Variants in POU2F1 observed in about 807,000 individuals in gnomAD.
The protein encoded by POU2F1 is POU domain, class 2, transcription factor 1.
In POU2F1, 16 loss-of-function variants were observed where a neutral mutation model predicts 84.9. That is an observed-to-expected ratio of 0.19 (90% CI 0.13 to 0.29). POU2F1 has a LOEUF of 0.29. Ranked by LOEUF, POU2F1 falls within the 10% of genes least tolerant of loss-of-function variation. POU2F1 has a pLI of 1.00. For synonymous variants in POU2F1, 368 were observed against 368.3 expected (o/e 1.00, Z 0.01); for missense variants, 738 against 942.6 (o/e 0.78, Z 2.84).
intron 1 of POU2F1, among the ~76,000 whole-genome samples, chr1:167,234,595 A>C (rs1649316133): frequency 6.6e-6 from 1 of 152,190 alleles, no homozygotes; most frequent in South Asian, 2.1e-4. Flanking sequence ...ATAGCCAAGC[A>C]TGTTGGTACT....
chr1:167,294,231 C>T (rs1654131842), intron 1 of POU2F1, among the ~76,000 whole-genome samples: 1 of 150,088 alleles, frequency 6.7e-6, no homozygotes, highest in African/African-American at 2.5e-5. Context: ...CACCTGTGGT[C>T]CCAGCTACTC....
intron 1 of POU2F1, among the ~76,000 whole-genome samples, chr1:167,281,791 A>G (rs1352280109): frequency 1.3e-5 from 2 of 152,176 alleles, no homozygotes; most frequent in African/African-American, 4.8e-5. Context: ...TTAACAGTAG[A>G]GACTTTTCCT....
At chr1:167,282,538 T>C (rs1416231655) in intron 1 of POU2F1, among the ~76,000 whole-genome samples, 1 of 152,248 alleles carries the variant, frequency 6.6e-6, no homozygotes, top group African/African-American at 2.4e-5. Context: ...AACTTAAATA[T>C]GAGGACCTTC....
At chr1:167,232,335 T>A (rs994882580) in intron 1 of POU2F1, among the ~76,000 whole-genome samples, 2 of 152,200 alleles carry the variant, frequency 1.3e-5, no homozygotes, top group African/African-American at 4.8e-5. Context: ...CCTAGTGACA[T>A]TGTAATGATC....
At chr1:167,291,044 GAAAAA>G (rs56798282) in intron 1 of POU2F1, among the ~76,000 whole-genome samples, 8 of 117,404 alleles carry the variant, frequency 6.8e-5, no homozygotes, top group Non-Finnish European at 1.3e-4. Flanking sequence ...GACCCTGTCA[GAAAAA>G]AAAAAAAAAA....
At chr1:167,230,665 C>T (rs970157588) in intron 1 of POU2F1, among the ~76,000 whole-genome samples, 1 of 152,230 alleles carries the variant, frequency 6.6e-6, no homozygotes, top group Non-Finnish European at 1.5e-5. Context: ...GTCATACTTT[C>T]TCTGAAATTA....
At chr1:167,290,711 A>G (rs1252735602) in intron 1 of POU2F1, among the ~76,000 whole-genome samples, 7 of 152,228 alleles carry the variant, frequency 4.6e-5, no homozygotes, top group Non-Finnish European at 1.0e-4. Flanking sequence ...CATGATCAGT[A>G]TACTTTAAAA....
chr1:167,395,847 A>G (rs888503835), intron 9 of POU2F1, among the ~76,000 whole-genome samples: 2 of 152,148 alleles, frequency 1.3e-5, no homozygotes, highest in Admixed American at 1.3e-4. Context: ...CATTCCACCC[A>G]TGTAGGCCTA....
At chr1:167,227,795 A>C (rs1184234328) in intron 1 of POU2F1, among the ~76,000 whole-genome samples, 2 of 152,240 alleles carry the variant, frequency 1.3e-5, no homozygotes, top group African/African-American at 4.8e-5. Context: ...ATATTAAAAT[A>C]TGTAACAGAT....
At chr1:167,309,117 T>G (rs75449524) in intron 1 of POU2F1, among the ~76,000 whole-genome samples, 1 of 151,590 alleles carries the variant, frequency 6.6e-6, no homozygotes, top group African/African-American at 2.4e-5. Context: ...TTTTTTTTTT[T>G]CTTTGAGAAT....
intron 1 of POU2F1, among the ~76,000 whole-genome samples, chr1:167,282,145 T>TAA (rs1447301112): frequency 6.8e-6 from 1 of 146,216 alleles, no homozygotes; most frequent in African/African-American, 2.8e-5. Context: ...ATTTTTTTTC[T>TAA]TATTTTTTTT....
intron 1 of POU2F1, among the ~76,000 whole-genome samples, chr1:167,326,460 G>A (rs941652580): frequency 2.6e-5 from 4 of 152,140 alleles, no homozygotes; most frequent in Non-Finnish European, 4.4e-5. Flanking sequence ...GGCAAGAGAC[G>A]GTGACAGTCC....
intron 1 of POU2F1, among the ~76,000 whole-genome samples, chr1:167,256,031 TTGTGTTCCCC>T (rs1275155381): frequency 6.6e-6 from 1 of 152,172 alleles, no homozygotes; most frequent in Non-Finnish European, 1.5e-5. Flanking sequence ...GGATTCAGGA[TTGTGTTCCCC>T]TAGTTACATG....
chr1:167,245,669 T>TC (rs1189307478), intron 1 of POU2F1, among the ~76,000 whole-genome samples: 1 of 151,824 alleles, frequency 6.6e-6, no homozygotes, highest in Non-Finnish European at 1.5e-5. Flanking sequence ...CACCTCAGCC[T>TC]CCCAAAGTGC....
intron 1 of POU2F1, among the ~76,000 whole-genome samples, chr1:167,241,965 TTA>T (rs1262048601): frequency 7.2e-5 from 11 of 152,218 alleles, no homozygotes; most frequent in Admixed American, 5.9e-4. Flanking sequence ...GGAAGGATTT[TTA>T]GAGTTCTCAG....
At chr1:167,395,278 C>A (rs1648726210) in intron 9 of POU2F1, among the ~76,000 whole-genome samples, 1 of 152,202 alleles carries the variant, frequency 6.6e-6, no homozygotes, top group African/African-American at 2.4e-5. Flanking sequence ...TATAAGGTTA[C>A]TAAGTTTCCA....
At chr1:167,222,027 C>T (rs1230247631) in intron 1 of POU2F1, among the ~76,000 whole-genome samples, 1 of 152,156 alleles carries the variant, frequency 6.6e-6, no homozygotes, top group Non-Finnish European at 1.5e-5. Flanking sequence ...GCCCCCCCTC[C>T]GTTCCCCCCA....
intron 1 of POU2F1, among the ~76,000 whole-genome samples, chr1:167,256,619 C>A (rs906946189): frequency 6.6e-5 from 10 of 152,200 alleles, no homozygotes; most frequent in Non-Finnish European, 1.0e-4. Context: ...ATCTCAGAAT[C>A]TTCAGCTTAG....
chr1:167,235,975 C>G (rs1014064746), intron 1 of POU2F1, among the ~76,000 whole-genome samples: 1 of 152,246 alleles, frequency 6.6e-6, no homozygotes, highest in East Asian at 1.9e-4. Flanking sequence ...TAGTACCACT[C>G]TATATTTTTT....
Sources: gnomAD v4.1 joint callset for allele counts (sites outside exome capture counted in the v4.1 genomes callset) on GRCh38, gnomAD v4.1.1 for gene constraint, MANE v1.5 for transcripts, NCBI Gene and HGNC (gene_info 2026-07-23, HGNC 2026-07-21) for gene names.